The following RYR2 variants were observed in gnomAD, a reference collection of about 807,000 sequenced individuals.
The protein encoded by RYR2 is cardiac muscle ryanodine receptor-calcium release channel.
In RYR2, 227 loss-of-function variants were observed where a neutral mutation model predicts 601.1. The ratio of observed to expected loss-of-function variants is 0.38; its 90% CI spans 0.34 to 0.42. RYR2 has a LOEUF of 0.42. Among genes scored for constraint, RYR2 ranks in the 10% least tolerant of loss-of-function variants. RYR2 has a pLI of 1.00. For synonymous variants in RYR2, 2,223 were observed against 2,175.1 expected, an observed-to-expected ratio of 1.02 and a Z score of -0.61; for missense variants, 4,646 against 6,156.5, an observed-to-expected ratio of 0.75 and a Z score of 8.21.
At chr1:237,663,047 G>A (rs1337608843) in intron 56 of RYR2, among the ~76,000 whole-genome samples, 4 of 152,156 alleles carry the variant, frequency 2.6e-5, no homozygotes, top group African/African-American at 9.7e-5. Flanking sequence ...GTAGCACTTT[G>A]GCCTGTAGGT....
In RYR2 at chr1:237,602,100, G is replaced by A. The variant is rs1419682085; in HGVS notation, c.4672G>A (p.Gly1558Arg). 6.2e-7 allele frequency: 1 copy of A among 1,611,730 alleles called. No homozygotes were observed. The highest frequency in any genetic ancestry group is 1.3e-5 in the African/African-American group (1 of 74,846). ...TCCCAATGTTTTCCAGTTTGAGTTG[G>A]GAAGAATAAAGGTAATAAAACTTAT... ...TSPNVFQFEL[G>R]RIKNVMPLSA... The change falls in exon 35 of 105, where the codon GGA becomes AGA. Residue 1558 changes from glycine to arginine, a missense_variant. Physicochemically the swap from Gly to Arg is moderately radical, Grantham distance 125. Around this residue, in one of 17 missense-constraint regions of RYR2, gnomAD observed 1,807 missense variants for 2,088.1 expected, o/e 0.87. Coordinates refer to ENST00000366574, the MANE Select transcript of RYR2 (RefSeq NM_001035.3).
intron 1 of RYR2, among the ~76,000 whole-genome samples, chr1:237,181,704 G>A (rs1269007786): frequency 6.6e-6 from 1 of 152,216 alleles, no homozygotes; most frequent in Non-Finnish European, 1.5e-5. Context: ...CACAATGGCT[G>A]CTGAGTGTCT....
chr1:237,306,201 T>TGG (rs1693845770), intron 2 of RYR2, among the ~76,000 whole-genome samples: 8 of 152,370 alleles, frequency 5.3e-5, no homozygotes, highest in African/African-American at 1.9e-4. Flanking sequence ...TACCATTTAA[T>TGG]AATTTTCTAT....
At chr1:237,550,415 G>A in intron 26 of RYR2, 129 bp from the exon 27 acceptor site, 1 of 981,426 alleles carries the variant, frequency 1.0e-6, no homozygotes, top group Admixed American at 2.6e-5. Flanking sequence ...TTGCAGCCTG[G>A]GAAGACGCAT....
intron 1 of RYR2, among the ~76,000 whole-genome samples, chr1:237,131,654 G>A (rs552516151): frequency 3.3e-5 from 5 of 152,252 alleles, no homozygotes; most frequent in Admixed American, 3.3e-4. Context: ...TAATATCAAA[G>A]ATGAAGAATT....
chr1:237,506,839 C>T (rs749226916), intron 23 of RYR2, 25 bp downstream of exon 23: 6 of 1,577,210 alleles, frequency 3.8e-6, no homozygotes, highest in African/African-American at 1.3e-5. Context: ...AATTTATTTT[C>T]AGATTCTGTG....
chr1:237,104,659 G>T (rs927756583), intron 1 of RYR2, among the ~76,000 whole-genome samples: 1 of 152,140 alleles, frequency 6.6e-6, no homozygotes, highest in African/African-American at 2.4e-5. Flanking sequence ...CTGTTACTGG[G>T]TCCTGGTCAC....
chr1:237,367,390 C>T (rs1447235118), intron 5 of RYR2, among the ~76,000 whole-genome samples: 1 of 130,580 alleles, frequency 7.7e-6, no homozygotes, highest in African/African-American at 2.9e-5. Flanking sequence ...CTGCGTCTGG[C>T]CCCCCAAAAA....
intron 29 of RYR2, among the ~76,000 whole-genome samples, chr1:237,576,970 G>A (rs1333383969): frequency 6.6e-6 from 1 of 152,144 alleles, no homozygotes; most frequent in Non-Finnish European, 1.5e-5. Context: ...CTCAGCATTG[G>A]AGAGCAGTAC....
chr1:237,777,591 C>G (rs934826702), intron 87 of RYR2, among the ~76,000 whole-genome samples: 9 of 152,046 alleles, frequency 5.9e-5, no homozygotes, highest in Non-Finnish European at 1.2e-4. Flanking sequence ...GATGGGTTTA[C>G]AAAACTGAAT....
At chr1:237,420,862 C>A (rs1223863568) in intron 11 of RYR2, among the ~76,000 whole-genome samples, 1 of 152,018 alleles carries the variant, frequency 6.6e-6, no homozygotes, top group African/African-American at 2.4e-5. Context: ...ACAAATATTT[C>A]ATTGTTTTTC....
chr1:237,503,944 G>T (rs560712825), intron 22 of RYR2, among the ~76,000 whole-genome samples: 5 of 152,102 alleles, frequency 3.3e-5, no homozygotes, highest in Non-Finnish European at 7.4e-5. Context: ...CTGATCTCAG[G>T]TGATCCACCC....
intron 63 of RYR2, among the ~76,000 whole-genome samples, chr1:237,692,343 A>G (rs1687016241): frequency 6.6e-6 from 1 of 152,206 alleles, no homozygotes; most frequent in East Asian, 1.9e-4. Context: ...TTGCAGGAGC[A>G]TACTGACCAT....
At chr1:237,795,596 G>A (rs981661770) in intron 96 of RYR2, among the ~76,000 whole-genome samples, 9 of 147,128 alleles carry the variant, frequency 6.1e-5, no homozygotes, top group Non-Finnish European at 8.9e-5. Context: ...GATTCCAGGC[G>A]CCTGCCACCA....
At chr1:237,504,455 A>G (rs962027031) in intron 22 of RYR2, among the ~76,000 whole-genome samples, 10 of 152,170 alleles carry the variant, frequency 6.6e-5, no homozygotes, top group African/African-American at 9.7e-5. Context: ...GTGGGGCAGA[A>G]ACAAATCACA....
intron 86 of RYR2, among the ~76,000 whole-genome samples, chr1:237,772,344 CT>C (rs1419606787): frequency 6.6e-6 from 1 of 152,032 alleles, no homozygotes. Flanking sequence ...GTTTTTTTAG[CT>C]TGATGGTATT....
chr1:237,644,988 T>C (rs1188470831), intron 48 of RYR2, among the ~76,000 whole-genome samples: 1 of 152,114 alleles, frequency 6.6e-6, no homozygotes, highest in African/African-American at 2.4e-5. Context: ...TGAGCCGAGA[T>C]TGCACCACTT....
chr1:237,094,660 C>T (rs775053091), intron 1 of RYR2, among the ~76,000 whole-genome samples: 1 of 152,126 alleles, frequency 6.6e-6, no homozygotes, highest in Non-Finnish European at 1.5e-5. Context: ...CTGCAAACTC[C>T]GCCTCACTGC....
intron 16 of RYR2, among the ~76,000 whole-genome samples, chr1:237,468,783 C>T (rs969420103): frequency 5.3e-5 from 8 of 152,110 alleles, no homozygotes; most frequent in African/African-American, 1.9e-4. Flanking sequence ...GATTAGAACC[C>T]AAGTGAGGGA....
Sources: gnomAD v4.1 joint callset for allele counts (sites outside exome capture counted in the v4.1 genomes callset) on GRCh38, gnomAD v4.1.1 for gene constraint, gnomAD v4.1.1 regional missense constraint, MANE v1.5 for transcripts, NCBI Gene and HGNC (gene_info 2026-07-23, HGNC 2026-07-21) for gene names.